Variants in ACTR3C observed in about 807,000 individuals in gnomAD.
ACTR3C encodes actin related protein 3C.
Under a neutral mutation model 26.3 loss-of-function variants are expected in ACTR3C, and 18 were observed. That is an observed-to-expected ratio of 0.68 (90% CI 0.47 to 1.01). The LOEUF (loss-of-function observed/expected upper bound fraction) is 1.01. Among genes scored for constraint, ACTR3C ranks in the 50% least tolerant of loss-of-function variants. The pLI is 0.00. For missense variants in ACTR3C, 184 were observed against 250.7 expected (o/e 0.73, Z 1.80); for synonymous variants, 55 against 94.5 (o/e 0.58, Z 2.42).
At chr7:150,099,176 C>T in the ACTR3C span, among the ~76,000 whole-genome samples, 1 of 144,300 alleles carries the variant, frequency 6.9e-6, no homozygotes, top group Non-Finnish European at 1.5e-5. Flanking sequence ...GTGAGGACAG[C>T]GCTCCAGATG....
chr7:150,181,384 G>C, the ACTR3C span, among the ~76,000 whole-genome samples: 1 of 150,458 alleles, frequency 6.6e-6, no homozygotes, highest in Non-Finnish European at 1.5e-5. Context: ...AAAATAAAAA[G>C]ACAGGCCGGG....
the ACTR3C span, among the ~76,000 whole-genome samples, chr7:150,022,558 G>C: frequency 6.6e-6 from 1 of 151,990 alleles, no homozygotes; most frequent in Non-Finnish European, 1.5e-5. Flanking sequence ...TCCCCTCCCT[G>C]CTGTGGCTAT....
At chr7:149,995,901 G>C in the ACTR3C span, among the ~76,000 whole-genome samples, 44 of 152,246 alleles carry the variant, frequency 2.9e-4, no homozygotes, top group Admixed American at 7.9e-4. Context: ...GAGGTGGTTC[G>C]AGGCCTGTCT....
At chr7:150,089,455 C>G in the ACTR3C span, among the ~76,000 whole-genome samples, 3 of 152,180 alleles carry the variant, frequency 2.0e-5, no homozygotes, top group African/African-American at 2.4e-5. Context: ...TTCTGTGATG[C>G]AATATGCAAG....
the ACTR3C span, among the ~76,000 whole-genome samples, chr7:150,027,769 TCA>T: frequency 1.3e-5 from 2 of 152,144 alleles, no homozygotes; most frequent in African/African-American, 4.8e-5. Flanking sequence ...AACCTAGCTC[TCA>T]GTCAGGTTTA....
chr7:150,163,561 A>G, the ACTR3C span, among the ~76,000 whole-genome samples: 1 of 151,868 alleles, frequency 6.6e-6, no homozygotes, highest in Non-Finnish European at 1.5e-5. Context: ...TATAATACAT[A>G]TATATATGGA....
chr7:150,041,783 G>A, the ACTR3C span, among the ~76,000 whole-genome samples: 2 of 120,084 alleles, frequency 1.7e-5, no homozygotes, highest in South Asian at 3.0e-4. Flanking sequence ...CTCAGTCCCT[G>A]CCTCGCGGGG....
the ACTR3C span, among the ~76,000 whole-genome samples, chr7:150,043,944 G>A: frequency 6.6e-6 from 1 of 152,168 alleles, no homozygotes; most frequent in African/African-American, 2.4e-5. Context: ...AAGATTGGTT[G>A]GTTGTCGAAG....
the ACTR3C span, among the ~76,000 whole-genome samples, chr7:150,006,236 G>T: frequency 2.1e-5 from 2 of 97,194 alleles, no homozygotes; most frequent in African/African-American, 4.8e-5. Flanking sequence ...TTACTCTGTC[G>T]CCCAGGCTGG....
At chr7:150,035,341 A>C in the ACTR3C span, among the ~76,000 whole-genome samples, 5 of 50,066 alleles carry the variant, frequency 1.0e-4, 1 homozygote, top group Middle Eastern at 0.012. Flanking sequence ...GGAAGAGGGG[A>C]TAGCTCTCAG....
the ACTR3C span, among the ~76,000 whole-genome samples, chr7:150,195,705 C>T: frequency 1.3e-5 from 2 of 152,180 alleles, no homozygotes; most frequent in Non-Finnish European, 2.9e-5. Context: ...ATGGTGAAAC[C>T]TTGTCTCTAC....
the ACTR3C span, among the ~76,000 whole-genome samples, chr7:149,944,612 C>T: frequency 6.6e-6 from 1 of 150,528 alleles, no homozygotes; most frequent in Non-Finnish European, 1.5e-5. Flanking sequence ...CGCACCCCAT[C>T]CCTGTACCCC....
chr7:150,085,952 C>T, the ACTR3C span, among the ~76,000 whole-genome samples: 2 of 150,910 alleles, frequency 1.3e-5, no homozygotes, highest in African/African-American at 4.9e-5. Flanking sequence ...GAGTAGCTAG[C>T]CCATGATTTT....
At chr7:150,241,769 T>C (rs1157390105), downstream of ACTR3C, among the ~76,000 whole-genome samples, 2 of 152,116 alleles carry the variant, frequency 1.3e-5, no homozygotes, top group African/African-American at 4.8e-5. Context: ...AGAAGTCTTA[T>C]AACTAAATAA....
chr7:149,933,649 C>T, the ACTR3C span, among the ~76,000 whole-genome samples: 1 of 152,176 alleles, frequency 6.6e-6, no homozygotes, highest in Non-Finnish European at 1.5e-5. Flanking sequence ...GTGTCCAGCT[C>T]GACTCAACAC....
chr7:150,053,640 A>G, the ACTR3C span, among the ~76,000 whole-genome samples: 2 of 152,272 alleles, frequency 1.3e-5, no homozygotes, highest in African/African-American at 4.8e-5. Flanking sequence ...TCAAAGCAAC[A>G]GCGAAACCAA....
the ACTR3C span, among the ~76,000 whole-genome samples, chr7:149,974,533 C>T: frequency 6.6e-6 from 1 of 152,162 alleles, no homozygotes; most frequent in Admixed American, 6.5e-5. Flanking sequence ...TCCACGTCAC[C>T]ACTGCTGCCC....
rs754040546 is a variant in ACTR3C at position 150,295,250 on chromosome 7, A to C, written c.45+2T>G. 1 of 1,613,894 alleles carries C rather than the reference A, an allele frequency of 6.2e-7. No homozygotes were observed. The highest frequency in any genetic ancestry group is 1.1e-5 in the South Asian group (1 of 91,068). Reference sequence around the variant, plus strand: ...AGGAATCACAAACATAACTGGTTTTACCTGAACTGCAATGTAGAGTCCTGG... The same window carrying C: ...AGGAATCACAAACATAACTGGTTTTCCCTGAACTGCAATGTAGAGTCCTGG... On this transcript the variant is annotated splice_donor_variant, in intron 2 of 7. Coordinates refer to ENST00000683684, the MANE Select transcript of ACTR3C (RefSeq NM_001164458.2). LOFTEE classifies it high-confidence loss of function.
chr7:150,135,948 C>T, the ACTR3C span, among the ~76,000 whole-genome samples: 328 of 152,230 alleles, frequency 2.2e-3, 3 homozygotes, highest in African/African-American at 7.6e-3. Flanking sequence ...CCAGCTCTCA[C>T]GCAACCTGCT....
Sources: allele counts gnomAD v4.1 joint callset (sites outside exome capture counted in the v4.1 genomes callset), GRCh38; gene constraint gnomAD v4.1.1; transcripts MANE v1.5; gene names NCBI Gene and HGNC (gene_info 2026-07-23, HGNC 2026-07-21).